Variants in SYNJ2 observed in about 807,000 individuals in gnomAD.
SYNJ2 encodes synaptojanin 2.
SYNJ2 carries 116 observed loss-of-function variants against 141.3 expected under a neutral mutation model. The ratio of observed to expected loss-of-function variants is 0.82; its 90% CI spans 0.71 to 0.96. The LOEUF (loss-of-function observed/expected upper bound fraction) is 0.96. Among genes scored for constraint, SYNJ2 ranks in the 40% least tolerant of loss-of-function variants. The pLI is 0.00. For missense variants in SYNJ2, 1,873 were observed against 1,934.8 expected, an observed-to-expected ratio of 0.97 and a Z score of 0.60; for synonymous variants, 745 against 777.7, an observed-to-expected ratio of 0.96 and a Z score of 0.70.
intron 1 of SYNJ2, among the ~76,000 whole-genome samples, chr6:157,986,747 G>A (rs73014133): frequency 0.1 from 15,175 of 152,154 alleles, 870 homozygotes; most frequent in Non-Finnish European, 0.13. Context: ...TTGTGAAAAC[G>A]TTCAAACACA....
rs751997414 is a variant in SYNJ2, at chr6:158,096,248, G to A, written c.4375G>A (p.Ala1459Thr). The change falls in exon 27 of 27, where the codon GCC becomes ACC. Residue 1459 changes from alanine to threonine, a missense_variant. Coordinates refer to ENST00000355585, the MANE Select transcript of SYNJ2 (RefSeq NM_003898.4). ...CCCAGTGTCAGCTGGCGCTTCAGCT[G>A]CCAAGGCAGAGCTGCCACCAGATCA... ...IDPVSAGASAAKAELPPDHEH... is the reference protein window; with the variant it reads ...IDPVSAGASATKAELPPDHEH... 8 of 1,614,238 alleles carry A rather than the reference G, an allele frequency of 5.0e-6. No individual in the cohort carries two copies. The highest frequency in any genetic ancestry group is 4.2e-6 in the Non-Finnish European group (5 of 1,180,048).
intron 25 of SYNJ2, among the ~76,000 whole-genome samples, chr6:158,090,262 C>G (rs188542730): frequency 2.2e-4 from 33 of 152,292 alleles, no homozygotes; most frequent in African/African-American, 7.7e-4. Context: ...ATTCTGCCAG[C>G]TTTATAAAAC....
intron 4 of SYNJ2, among the ~76,000 whole-genome samples, chr6:158,038,489 C>A (rs1334945906): frequency 6.6e-6 from 1 of 152,200 alleles, no homozygotes; most frequent in Non-Finnish European, 1.5e-5. Context: ...CACGGTAGCT[C>A]TTGGTTGGGT....
chr6:158,010,772 A>T (rs1333970902), intron 1 of SYNJ2, among the ~76,000 whole-genome samples: 1 of 152,106 alleles, frequency 6.6e-6, no homozygotes, highest in Non-Finnish European at 1.5e-5. Context: ...ACATGTGACA[A>T]TGGAGGGACA....
In SYNJ2 at chr6:158,097,804, G is replaced by A. The variant is rs966285692; in HGVS notation, c.*1440G>A. ...GCCATCAAAACAAAAGTTACAACACGTATCTCTTTTCATCTGAAAACTAAT... is the reference window on the plus strand; with the variant it reads ...GCCATCAAAACAAAAGTTACAACACATATCTCTTTTCATCTGAAAACTAAT... On this transcript the variant is annotated 3_prime_UTR_variant, in exon 27 of 27. Transcript: ENST00000355585. The A allele has an allele frequency of 1.3e-5, 2 of 149,978 alleles. No individual in the cohort carries two copies. The highest frequency in any genetic ancestry group is 2.5e-5 in the African/African-American group (1 of 40,392). 9.3% of individuals were successfully genotyped at this position (149,978 alleles called of 1,614,324 possible).
Position 158,057,528 on chromosome 6 carries a change from A to C in SYNJ2, c.858-1729A>C, listed in dbSNP as rs1237354699. 2.0e-5 allele frequency among the ~76,000 whole-genome samples: 3 copies of C among 152,216 alleles called. 1 individual carries two copies. The highest frequency in any genetic ancestry group is 2.0e-4 in the Admixed American group (3 of 15,282). The stretch of plus-strand genomic sequence containing the variant: ...GCAGGAGGGGAAGTAGCCCTGCTTT[A>C]TAGATGAAGGAGCCAGCTCAGAAGG... On this transcript the variant is annotated intron_variant, in intron 6 of 26. Coordinates refer to ENST00000355585, the MANE Select transcript of SYNJ2 (RefSeq NM_003898.4).
upstream of SYNJ2, chr6:157,981,772 T>A: frequency 2.3e-6 from 1 of 439,072 alleles, no homozygotes; most frequent in Non-Finnish European, 3.6e-6. This position sits in a 1 kb window ranked among gnomAD's most constrained non-coding sequence, Gnocchi z 6.4. Context: ...CGCCCTCACC[T>A]GCCCCAGGCT....
At chr6:158,023,714 A>T (rs1337988163) in intron 2 of SYNJ2, among the ~76,000 whole-genome samples, 1 of 152,164 alleles carries the variant, frequency 6.6e-6, no homozygotes, top group Admixed American at 6.5e-5. Flanking sequence ...AACTCCCCCT[A>T]GGATTCCAGA....
chr6:158,002,624 C>T (rs1472240934), intron 1 of SYNJ2, among the ~76,000 whole-genome samples: 2 of 152,210 alleles, frequency 1.3e-5, no homozygotes. Context: ...TCCAGGACTT[C>T]CCTGGTGGCT....
chr6:157,989,600 G>C (rs1316449528), intron 1 of SYNJ2, among the ~76,000 whole-genome samples: 1 of 151,918 alleles, frequency 6.6e-6, no homozygotes, highest in Non-Finnish European at 1.5e-5. Context: ...GCACTACAAA[G>C]GCGAAACATG....
chr6:157,992,281 C>A (rs1777470158), intron 1 of SYNJ2, among the ~76,000 whole-genome samples: 1 of 152,084 alleles, frequency 6.6e-6, no homozygotes. Flanking sequence ...CCGCCGCTAC[C>A]CTTCCTAGCC....
chr6:158,064,893 T>C lies in SYNJ2; in HGVS notation c.1427T>C (p.Val476Ala), dbSNP rs1256037827. Residue 476 changes from valine (V) to alanine (A), a missense_variant, in exon 11 of 27, where the codon GTG becomes GCG. Transcript: ENST00000355585. ...RTIQSNFFDG[V>A]KQEAIKLLLV... ...ATCCAGTCCAACTTCTTCGACGGGGTGAAGCAGGAGGCCATCAAGCTGCTG... is the reference window on the plus strand; with the variant it reads ...ATCCAGTCCAACTTCTTCGACGGGGCGAAGCAGGAGGCCATCAAGCTGCTG... The C allele has an allele frequency of 1.9e-6, 3 of 1,613,424 alleles. No individual in the cohort carries two copies. The East Asian group carries it at 6.7e-5, about 36-fold the overall frequency.
intron 4 of SYNJ2, among the ~76,000 whole-genome samples, chr6:158,042,368 A>G (rs1654648001): frequency 6.6e-6 from 1 of 152,258 alleles, no homozygotes; most frequent in South Asian, 2.1e-4. Flanking sequence ...CCTCCACTGC[A>G]GAATGACTCA....
chr6:158,022,725 C>T (rs1443069741), intron 2 of SYNJ2, among the ~76,000 whole-genome samples: 1 of 152,196 alleles, frequency 6.6e-6, no homozygotes, highest in Non-Finnish European at 1.5e-5. Context: ...CCTGGTCTCT[C>T]CCTCAGCTGA....
intron 25 of SYNJ2, among the ~76,000 whole-genome samples, chr6:158,092,462 G>A (rs998862006): frequency 1.3e-5 from 2 of 152,196 alleles, no homozygotes; most frequent in Admixed American, 1.3e-4. Flanking sequence ...GCAACACAAT[G>A]AGACCCTCTC....
chr6:158,077,410 G>A (rs961782180), intron 17 of SYNJ2, among the ~76,000 whole-genome samples: 3 of 152,166 alleles, frequency 2.0e-5, no homozygotes, highest in African/African-American at 7.2e-5. Flanking sequence ...AAAGCGGGGA[G>A]CATGAGGTTG....
chr6:157,988,167 G>A (rs943077565), intron 1 of SYNJ2, among the ~76,000 whole-genome samples: 3 of 152,222 alleles, frequency 2.0e-5, no homozygotes, highest in Non-Finnish European at 2.9e-5. Context: ...CCCCAGGCCC[G>A]GGCGTTGGGG....
intron 26 of SYNJ2, chr6:158,093,818 T>C: frequency 2.7e-6 from 2 of 735,248 alleles, no homozygotes; most frequent in South Asian, 1.4e-5. Context: ...AGATTCGCCA[T>C]GTTCACATGC....
At chr6:157,986,243 C>T (rs976154975) in intron 1 of SYNJ2, among the ~76,000 whole-genome samples, 2 of 152,260 alleles carry the variant, frequency 1.3e-5, no homozygotes, top group African/African-American at 4.8e-5. Context: ...AGTGGTCTGT[C>T]TGCCTCCAGG....
Sources: allele counts gnomAD v4.1 joint callset (sites outside exome capture counted in the v4.1 genomes callset), GRCh38; gene constraint gnomAD v4.1.1; non-coding constraint Gnocchi (gnomAD v3.1); transcripts MANE v1.5; gene names NCBI Gene and HGNC (gene_info 2026-07-23, HGNC 2026-07-21).